CCDC91: variants seen among roughly 807,000 people sequenced by gnomAD.
The protein encoded by CCDC91 is coiled-coil domain containing 91.
CCDC91 carries 48 observed loss-of-function variants against 63.2 expected under a neutral mutation model. The ratio of observed to expected loss-of-function variants is 0.76; its 90% CI spans 0.60 to 0.97. The LOEUF (loss-of-function observed/expected upper bound fraction) is 0.97, where lower values mean the gene tolerates loss of function less well. Ranked by LOEUF, CCDC91 falls within the 50% of genes least tolerant of loss-of-function variation. The pLI is 0.00. For missense variants in CCDC91, 500 were observed against 494.6 expected (o/e 1.01, Z -0.10); for synonymous variants, 167 against 165.8 (o/e 1.01, Z -0.06).
At chr12:28,314,006 GAC>G (rs2137235476) in intron 6 of CCDC91, among the ~76,000 whole-genome samples, 2 of 152,076 alleles carry the variant, frequency 1.3e-5, no homozygotes, top group East Asian at 1.9e-4. Flanking sequence ...TCAGTTACCA[GAC>G]ACAGCTGGTT....
chr12:28,543,908 T>G (rs1942806842), intron 12 of CCDC91, among the ~76,000 whole-genome samples: 1 of 152,130 alleles, frequency 6.6e-6, no homozygotes, highest in East Asian at 1.9e-4. Flanking sequence ...CAACTCAAGT[T>G]GGTCCTGTCT....
intron 12 of CCDC91, among the ~76,000 whole-genome samples, chr12:28,533,263 C>T (rs1294687525): frequency 6.6e-6 from 1 of 152,014 alleles, no homozygotes; most frequent in Non-Finnish European, 1.5e-5. Context: ...CATTGAATCT[C>T]TTTTCCATTT....
At chr12:28,305,265 T>A (rs776928839) in intron 3 of CCDC91, among the ~76,000 whole-genome samples, 1 of 152,048 alleles carries the variant, frequency 6.6e-6, no homozygotes, top group Non-Finnish European at 1.5e-5. Context: ...GTAGGTACTC[T>A]AGCGCTTTTT....
At chr12:28,505,835 C>T (rs1308235943) in intron 12 of CCDC91, among the ~76,000 whole-genome samples, 1 of 151,970 alleles carries the variant, frequency 6.6e-6, no homozygotes, top group African/African-American at 2.4e-5. Flanking sequence ...TTTCATTTGC[C>T]TTGTATTTCT....
At chr12:28,323,134 AGTAAATTTT>A (rs1218078219) in intron 6 of CCDC91, among the ~76,000 whole-genome samples, 6 of 151,452 alleles carry the variant, frequency 4.0e-5, no homozygotes, top group African/African-American at 1.5e-4. Flanking sequence ...AATTAACTCT[AGTAAATTTT>A]TTAGTAATGG....
At chr12:28,477,428 G>T (rs892862276) in intron 11 of CCDC91, among the ~76,000 whole-genome samples, 17 of 152,046 alleles carry the variant, frequency 1.1e-4, no homozygotes, top group African/African-American at 4.1e-4. Flanking sequence ...AACCCTTCAT[G>T]CTAAAAACTC....
Position 28,490,874 on chromosome 12 carries a change from T to C in CCDC91, c.1215+6709T>C, listed in dbSNP as rs1433173283. Among the ~76,000 whole-genome samples, 5 of 151,728 alleles carry C rather than the reference T, an allele frequency of 3.3e-5. No homozygotes were observed. In the East Asian group the frequency reaches 9.7e-4, roughly 29 times the overall value. On this transcript the variant is annotated intron_variant, in intron 12 of 12. Transcript: ENST00000536442. ...TAAGAATAATCTTGAAAAAACTTAC[T>C]GACATGTGGACAATCACACACTTTG...
chr12:28,525,667 C>A lies in CCDC91; in HGVS notation c.1216-23396C>A, dbSNP rs1299100407. On this transcript the variant is annotated intron_variant, in intron 12 of 12. Coordinates refer to ENST00000536442, the MANE Select transcript of CCDC91 (RefSeq NM_018318.5). ...CATTGTTATTTTGTTGGCTTTCTGT[C>A]TTGATGACCTGTCTCGTGCTGTCAG... 3.9e-5 allele frequency among the ~76,000 whole-genome samples: 6 copies of A among 152,034 alleles called. No individual in the cohort carries two copies. In the East Asian group the frequency reaches 1.2e-3, roughly 29 times the overall value.
intron 12 of CCDC91, among the ~76,000 whole-genome samples, chr12:28,535,812 A>C (rs1055787187): frequency 2.0e-5 from 3 of 152,100 alleles, no homozygotes; most frequent in Admixed American, 1.3e-4. Context: ...GCAGATCATG[A>C]GGTCAGGAGA....
intron 3 of CCDC91, among the ~76,000 whole-genome samples, chr12:28,273,800 C>T (rs970659499): frequency 1.3e-5 from 2 of 152,048 alleles, no homozygotes; most frequent in African/African-American, 4.8e-5. Context: ...TGCCTGTTCA[C>T]TCTGATGGTA....
chr12:28,441,591 G>C (rs1949211312), intron 8 of CCDC91, among the ~76,000 whole-genome samples: 1 of 128,622 alleles, frequency 7.8e-6, no homozygotes, highest in Non-Finnish European at 1.6e-5. Flanking sequence ...GATGAAGCCT[G>C]TGTGTATGTA....
chr12:28,403,605 T>C (rs760267535), intron 8 of CCDC91, among the ~76,000 whole-genome samples: 32 of 152,060 alleles, frequency 2.1e-4, no homozygotes, highest in Non-Finnish European at 4.1e-4. Flanking sequence ...ATGCCCCCCC[T>C]CCTAATACCA....
chr12:28,532,581 T>C (rs564885063), intron 12 of CCDC91, among the ~76,000 whole-genome samples: 1 of 152,074 alleles, frequency 6.6e-6, no homozygotes, highest in Non-Finnish European at 1.5e-5. Flanking sequence ...TGTAAAATTT[T>C]CTAGTTAATA....
At chr12:28,461,873 T>C (rs1950325766) in intron 11 of CCDC91, among the ~76,000 whole-genome samples, 1 of 152,098 alleles carries the variant, frequency 6.6e-6, no homozygotes, top group Non-Finnish European at 1.5e-5. Flanking sequence ...GCCACCGTTG[T>C]TGCTTACTAC....
At chr12:28,276,186 A>G (rs749789010) in intron 3 of CCDC91, among the ~76,000 whole-genome samples, 50 of 152,162 alleles carry the variant, frequency 3.3e-4, no homozygotes, top group Non-Finnish European at 6.6e-4. Flanking sequence ...ATCTTTATGT[A>G]ATAGAATATT....
At chr12:28,253,615 G>A (rs1414194482) in intron 1 of CCDC91, among the ~76,000 whole-genome samples, 3 of 152,116 alleles carry the variant, frequency 2.0e-5, no homozygotes, top group Non-Finnish European at 4.4e-5. Flanking sequence ...TTTTTCCAGT[G>A]ACTCATTTTC....
intron 6 of CCDC91, among the ~76,000 whole-genome samples, chr12:28,343,283 A>G (rs1942574440): frequency 6.6e-6 from 1 of 151,932 alleles, no homozygotes; most frequent in Admixed American, 6.6e-5. Context: ...AAACAGCATA[A>G]TGTAATATAT....
At chr12:28,268,033 TATTA>T (rs1947469437) in intron 3 of CCDC91, among the ~76,000 whole-genome samples, 1 of 134,628 alleles carries the variant, frequency 7.4e-6, no homozygotes, top group Non-Finnish European at 1.5e-5. Context: ...AATTATTAAT[TATTA>T]ATTAAAAATT....
intron 11 of CCDC91, among the ~76,000 whole-genome samples, chr12:28,466,994 A>T (rs1950578597): frequency 6.6e-6 from 1 of 152,110 alleles, no homozygotes; most frequent in Admixed American, 6.5e-5. Flanking sequence ...TTTTTCCTTG[A>T]TTGCTTATTT....
Sources: allele counts gnomAD v4.1 joint callset (sites outside exome capture counted in the v4.1 genomes callset), GRCh38; gene constraint gnomAD v4.1.1; transcripts MANE v1.5; gene names NCBI Gene and HGNC (gene_info 2026-07-23, HGNC 2026-07-21).